HORMAD2: variants seen among roughly 807,000 people sequenced by gnomAD.
HORMAD2 encodes the protein HORMA domain-containing protein 2.
In HORMAD2, 45 loss-of-function variants were observed where a neutral mutation model predicts 38.8. That is an observed-to-expected ratio of 1.16 (90% CI 0.91 to 1.49). HORMAD2 has a LOEUF of 1.49. Among genes scored for constraint, HORMAD2 ranks in the 40% most tolerant of loss-of-function variants. The pLI is 0.00. For synonymous variants in HORMAD2, 126 were observed against 122.8 expected (o/e 1.03, Z -0.17); for missense variants, 338 against 367.0 (o/e 0.92, Z 0.65).
At chr22:30,151,960 TA>T (rs1366672369) in intron 10 of HORMAD2, among the ~76,000 whole-genome samples, 1 of 152,280 alleles carries the variant, frequency 6.6e-6, no homozygotes, top group East Asian at 1.9e-4. Flanking sequence ...TAGGTAGAAA[TA>T]AAAGCCTTCA....
At chr22:30,161,604 A>G (rs1925444864) in intron 10 of HORMAD2, among the ~76,000 whole-genome samples, 2 of 152,182 alleles carry the variant, frequency 1.3e-5, no homozygotes, top group Admixed American at 1.3e-4. Flanking sequence ...CGGAATTCAT[A>G]ATTATTTACT....
At chr22:30,145,041 A>C (rs1422105350) in intron 10 of HORMAD2, among the ~76,000 whole-genome samples, 1 of 152,158 alleles carries the variant, frequency 6.6e-6, no homozygotes, top group Non-Finnish European at 1.5e-5. Flanking sequence ...TTCAAATACC[A>C]CCAACTTTTG....
At chr22:30,197,421 C>T in the HORMAD2 span, among the ~76,000 whole-genome samples, 18 of 152,262 alleles carry the variant, frequency 1.2e-4, no homozygotes, top group South Asian at 3.7e-3. Flanking sequence ...TAATTCAGAA[C>T]CATGACCCTA....
intron 1 of HORMAD2, among the ~76,000 whole-genome samples, chr22:30,090,816 C>G (rs1404108359): frequency 6.6e-6 from 1 of 152,138 alleles, no homozygotes; most frequent in Non-Finnish European, 1.5e-5. Flanking sequence ...ATGTAATGGT[C>G]AAGTCAAAGC....
chr22:30,139,245 TG>T (rs1923886329), intron 10 of HORMAD2, among the ~76,000 whole-genome samples: 1 of 119,402 alleles, frequency 8.4e-6, no homozygotes, highest in African/African-American at 3.4e-5. Flanking sequence ...TATATATATA[TG>T]AACTGTACTA....
At chr22:30,130,580 T>C (rs1353526055) in intron 10 of HORMAD2, among the ~76,000 whole-genome samples, 1 of 134,908 alleles carries the variant, frequency 7.4e-6, no homozygotes. Context: ...TTCATTCTTT[T>C]CTTTTCTTTT....
intron 3 of HORMAD2, among the ~76,000 whole-genome samples, chr22:30,102,921 C>T (rs1347447931): frequency 6.6e-6 from 1 of 152,160 alleles, no homozygotes; most frequent in Non-Finnish European, 1.5e-5. Context: ...TGAGCCACCA[C>T]ACCCGGCCTA....
chr22:30,132,430 G>A (rs1242490305), intron 10 of HORMAD2, among the ~76,000 whole-genome samples: 1 of 151,656 alleles, frequency 6.6e-6, no homozygotes, highest in African/African-American at 2.4e-5. Context: ...AAAAATACAA[G>A]AATTAGCCAG....
the HORMAD2 span, among the ~76,000 whole-genome samples, chr22:30,189,899 C>T: frequency 6.6e-6 from 1 of 152,120 alleles, no homozygotes; most frequent in African/African-American, 2.4e-5. Context: ...CCCACCCAGG[C>T]CTGCTGTCTT....
chr22:30,196,471 C>A, the HORMAD2 span, among the ~76,000 whole-genome samples: 1 of 152,306 alleles, frequency 6.6e-6, no homozygotes, highest in East Asian at 1.9e-4. Flanking sequence ...TTGCCATGGC[C>A]AGCGTCATCA....
intron 10 of HORMAD2, among the ~76,000 whole-genome samples, chr22:30,131,348 A>G (rs1923270863): frequency 6.6e-6 from 1 of 152,150 alleles, no homozygotes; most frequent in Non-Finnish European, 1.5e-5. Context: ...TAATATTTTA[A>G]CCATATTTTT....
chr22:30,191,352 T>C, the HORMAD2 span, among the ~76,000 whole-genome samples: 1 of 152,100 alleles, frequency 6.6e-6, no homozygotes, highest in Admixed American at 6.6e-5. Flanking sequence ...AAAGTTTCTC[T>C]CTGAAACTTT....
In HORMAD2 at chr22:30,121,782, T is replaced by C; in HGVS notation, c.561T>C (p.Tyr187=). ...TACTTACTATGAAACTCCACTACTA[T>C]AATGCAGGTAGGTAGAGAACTTTAG... The part of the protein sequence containing the change: ...NVVLTMKLHY[Y]NAVTPHDYQP... Residue 187 remains tyrosine (Y), a synonymous_variant, in exon 9 of 11, where the codon TAT becomes TAC. Coordinates refer to ENST00000336726, the MANE Select transcript of HORMAD2 (RefSeq NM_152510.4). The C allele has an allele frequency of 6.2e-7, 1 of 1,609,236 alleles. No homozygotes were observed. Among genetic ancestry groups the C allele is most frequent in the Non-Finnish European group, 8.5e-7 (1 of 1,178,340 alleles).
At chr22:30,132,548 A>G (rs892467447) in intron 10 of HORMAD2, among the ~76,000 whole-genome samples, 3 of 151,942 alleles carry the variant, frequency 2.0e-5, no homozygotes, top group Admixed American at 6.6e-5. Context: ...TCAAAAAAAA[A>G]AAAACAAAAC....
At chr22:30,178,132 C>A (rs1341426637), downstream of HORMAD2, among the ~76,000 whole-genome samples, 3 of 143,540 alleles carry the variant, frequency 2.1e-5, no homozygotes, top group African/African-American at 2.4e-5. Flanking sequence ...ATTAGCACTA[C>A]TGAGTAATTA....
At chr22:30,086,784 G>T (rs530322792) in intron 1 of HORMAD2, among the ~76,000 whole-genome samples, 4 of 149,666 alleles carry the variant, frequency 2.7e-5, no homozygotes, top group East Asian at 2.0e-4. Flanking sequence ...ACACATTTGA[G>T]ATATATATAT....
chr22:30,207,395 G>A, the HORMAD2 span, among the ~76,000 whole-genome samples: 1 of 152,262 alleles, frequency 6.6e-6, no homozygotes, highest in East Asian at 1.9e-4. Flanking sequence ...AAAAAGAAAT[G>A]TCCCAGGCTC....
At chr22:30,183,754 A>T in the HORMAD2 span, among the ~76,000 whole-genome samples, 2 of 152,228 alleles carry the variant, frequency 1.3e-5, no homozygotes, top group African/African-American at 4.8e-5. Context: ...GTTCATTGCT[A>T]TTCATCGAGA....
intron 10 of HORMAD2, among the ~76,000 whole-genome samples, chr22:30,144,432 G>A (rs968985358): frequency 6.6e-6 from 1 of 152,166 alleles, no homozygotes; most frequent in Admixed American, 6.5e-5. Flanking sequence ...CATTGTATTT[G>A]AGCATGTCCT....
Sources: allele counts gnomAD v4.1 joint callset (sites outside exome capture counted in the v4.1 genomes callset), GRCh38; gene constraint gnomAD v4.1.1; transcripts MANE v1.5; gene names NCBI Gene and HGNC (gene_info 2026-07-23, HGNC 2026-07-21).